OXR1: variants seen among roughly 807,000 people sequenced by gnomAD.
OXR1 encodes oxidation resistance protein 1.
In OXR1, 41 loss-of-function variants were observed where a neutral mutation model predicts 104.6. The observed-to-expected ratio is 0.39, with a 90% CI of 0.31 to 0.51. The LOEUF is 0.51. OXR1 is among the 20% of genes least tolerant of loss of function. The probability of loss-of-function intolerance (pLI) is 0.77; values close to 1 mark genes in which losing one functional copy is unlikely to be tolerated. For missense variants in OXR1, 955 were observed against 1,031.9 expected (o/e 0.93, Z 1.02); for synonymous variants, 348 against 348.4 (o/e 1.00, Z 0.01).
intron 3 of OXR1, among the ~76,000 whole-genome samples, chr8:106,566,941 A>T (rs917115463): frequency 6.6e-6 from 1 of 152,126 alleles, no homozygotes; most frequent in Admixed American, 6.5e-5. Flanking sequence ...CAGGGAGAGG[A>T]ACATTACACA....
At chr8:106,453,161 T>G (rs1209538013) in intron 2 of OXR1, among the ~76,000 whole-genome samples, 1 of 152,154 alleles carries the variant, frequency 6.6e-6, no homozygotes, top group Non-Finnish European at 1.5e-5. Context: ...CCATCTCCAG[T>G]GGTGCTGTGC....
At chr8:106,373,259 A>G (rs545602207) in intron 2 of OXR1, among the ~76,000 whole-genome samples, 206 of 152,300 alleles carry the variant, frequency 1.4e-3, no homozygotes, top group African/African-American at 4.7e-3. Flanking sequence ...GGATGGCTGT[A>G]TTACAGTTGC....
At chr8:106,685,778 T>C (rs1385500010) in intron 6 of OXR1, among the ~76,000 whole-genome samples, 1 of 151,464 alleles carries the variant, frequency 6.6e-6, no homozygotes. Flanking sequence ...CACTACTAGG[T>C]ATCTACCCCG....
chr8:106,552,636 A>G (rs1815930233), intron 3 of OXR1, among the ~76,000 whole-genome samples: 1 of 152,222 alleles, frequency 6.6e-6, no homozygotes, highest in Admixed American at 6.5e-5. Flanking sequence ...GCAAAAGTGC[A>G]TGATGATTTC....
intron 3 of OXR1, among the ~76,000 whole-genome samples, chr8:106,658,635 C>T (rs1423564984): frequency 1.3e-5 from 2 of 152,126 alleles, no homozygotes; most frequent in Non-Finnish European, 2.9e-5. Context: ...CACTTCCTAA[C>T]CGAAAAATAA....
rs1288012369 is a variant in OXR1, at chr8:106,684,342, G to C, written c.508G>C (p.Glu170Gln). Reference protein sequence around the residue: ...SPLSPTSSEAEFDKTTNPDVH... With the variant: ...SPLSPTSSEAQFDKTTNPDVH... ...TCTGTCACCAACATCATCTGAGGCT[G>C]AATTTGATAAGACCACTGTAAGTAT... The change falls in exon 6 of 17, where the codon GAA (glutamate) becomes CAA (glutamine). Residue 170 changes from glutamate to glutamine, a missense_variant. Transcript: ENST00000517566. 5 of 1,576,872 alleles carry C rather than the reference G, an allele frequency of 3.2e-6. No individual in the cohort carries two copies. In the Admixed American group the frequency reaches 6.7e-5, roughly 21 times the overall value.
intron 7 of OXR1, among the ~76,000 whole-genome samples, chr8:106,696,433 A>G (rs756234735): frequency 1.4e-4 from 21 of 152,208 alleles, no homozygotes; most frequent in Non-Finnish European, 2.5e-4. Context: ...TACTTTAAAC[A>G]TTCATGTGCA....
intron 16 of OXR1, among the ~76,000 whole-genome samples, chr8:106,747,550 G>A (rs576167734): frequency 2.0e-5 from 3 of 152,076 alleles, no homozygotes; most frequent in African/African-American, 4.8e-5. Context: ...TCAGAAAGTC[G>A]TATGAATCAT....
chr8:106,620,462 CTT>C (rs1269715057), intron 3 of OXR1, among the ~76,000 whole-genome samples: 1 of 152,100 alleles, frequency 6.6e-6, no homozygotes, highest in African/African-American at 2.4e-5. Context: ...ATAAAGTCTT[CTT>C]TTTTCCTTAC....
chr8:106,403,065 C>T (rs937052068), intron 2 of OXR1, among the ~76,000 whole-genome samples: 5 of 152,178 alleles, frequency 3.3e-5, no homozygotes, highest in Non-Finnish European at 7.3e-5. Context: ...TGTGATCCAC[C>T]CGTCTCGGCC....
At chr8:106,293,912 G>A (rs1812863330) in intron 1 of OXR1, among the ~76,000 whole-genome samples, 1 of 150,926 alleles carries the variant, frequency 6.6e-6, no homozygotes, top group African/African-American at 2.5e-5. Context: ...GAATTTTGGG[G>A]GACACATTCA....
At chr8:106,628,959 A>G (rs113464052) in intron 3 of OXR1, among the ~76,000 whole-genome samples, 20 of 152,280 alleles carry the variant, frequency 1.3e-4, no homozygotes, top group African/African-American at 4.8e-4. Context: ...GCTTCCATTT[A>G]ATGTTTAACT....
At chr8:106,447,958 G>C in intron 2 of OXR1, 1 of 1,535,276 alleles carries the variant, frequency 6.5e-7, no homozygotes, top group Non-Finnish European at 8.7e-7. Context: ...ACAGGTAACA[G>C]AACTCTGATC....
intron 1 of OXR1, among the ~76,000 whole-genome samples, chr8:106,309,182 A>G (rs547221429): frequency 1.3e-5 from 2 of 152,150 alleles, no homozygotes; most frequent in Non-Finnish European, 1.5e-5. Context: ...AGCTCTCACT[A>G]TGTTGCCTAA....
intron 2 of OXR1, among the ~76,000 whole-genome samples, chr8:106,427,308 A>G (rs574803726): frequency 9.5e-4 from 144 of 152,190 alleles, no homozygotes; most frequent in South Asian, 9.1e-3. Flanking sequence ...CTGGGACTAC[A>G]GGTGACCACC....
At chr8:106,528,908 G>T (rs911965271) in intron 3 of OXR1, among the ~76,000 whole-genome samples, 4 of 152,166 alleles carry the variant, frequency 2.6e-5, no homozygotes, top group South Asian at 2.1e-4. Flanking sequence ...ACACATAGCT[G>T]CTCTGAGGAT....
chr8:106,605,587 G>A (rs1820310037), intron 3 of OXR1, among the ~76,000 whole-genome samples: 1 of 150,534 alleles, frequency 6.6e-6, no homozygotes, highest in African/African-American at 2.5e-5. Context: ...CTGAGGTCGG[G>A]AGTTCCAGAC....
intron 2 of OXR1, among the ~76,000 whole-genome samples, chr8:106,434,710 A>G (rs1819501937): frequency 1.3e-5 from 2 of 152,196 alleles, no homozygotes; most frequent in Non-Finnish European, 1.5e-5. Context: ...TTCTACATTT[A>G]TCTGTGCTAA....
At chr8:106,445,752 G>C (rs745739663) in intron 2 of OXR1, among the ~76,000 whole-genome samples, 1 of 152,122 alleles carries the variant, frequency 6.6e-6, no homozygotes, top group Non-Finnish European at 1.5e-5. Flanking sequence ...AGCACTATTC[G>C]TACTGCGAGG....
Sources: allele counts gnomAD v4.1 joint callset (sites outside exome capture counted in the v4.1 genomes callset), GRCh38; gene constraint gnomAD v4.1.1; transcripts MANE v1.5; gene names NCBI Gene and HGNC (gene_info 2026-07-23, HGNC 2026-07-21).